The following STK38L variants were observed in gnomAD, a reference collection of about 807,000 sequenced individuals.
STK38L encodes serine/threonine kinase 38 like, also known as serine/threonine-protein kinase 38-like.
Under a neutral mutation model 59.7 loss-of-function variants are expected in STK38L, and 28 were observed. That is an observed-to-expected ratio of 0.47 (90% CI 0.35 to 0.64). The LOEUF is 0.64. STK38L is among the 30% of genes least tolerant of loss of function. The probability of loss-of-function intolerance (pLI) is 0.01; values close to 1 mark genes in which losing one functional copy is unlikely to be tolerated. For synonymous variants in STK38L, 162 were observed against 176.8 expected, an observed-to-expected ratio of 0.92 and a Z score of 0.66; for missense variants, 314 against 555.8, an observed-to-expected ratio of 0.56 and a Z score of 4.37.
At chr12:27,300,132 T>C (rs2136639956) in intron 2 of STK38L, among the ~76,000 whole-genome samples, 1 of 152,204 alleles carries the variant, frequency 6.6e-6, no homozygotes, top group South Asian at 2.1e-4. Flanking sequence ...AAATTATCTG[T>C]GTTATTGAAA....
At chr12:27,262,032 C>G (rs1376400605) in intron 1 of STK38L, among the ~76,000 whole-genome samples, 2 of 152,162 alleles carry the variant, frequency 1.3e-5, no homozygotes, top group African/African-American at 4.8e-5. Context: ...GGTAAACATT[C>G]TTTTCTTAGT....
intron 1 of STK38L, among the ~76,000 whole-genome samples, chr12:27,297,474 T>G (rs1370946055): frequency 6.6e-6 from 1 of 152,232 alleles, no homozygotes; most frequent in Non-Finnish European, 1.5e-5. Context: ...TGCCACTGGT[T>G]CTTCTTTGCT....
At chr12:27,253,123 G>T (rs1242929188) in intron 1 of STK38L, among the ~76,000 whole-genome samples, 3 of 152,094 alleles carry the variant, frequency 2.0e-5, no homozygotes, top group Non-Finnish European at 4.4e-5. Flanking sequence ...CCACGCAGAG[G>T]GATTAGCATA....
intron 1 of STK38L, among the ~76,000 whole-genome samples, chr12:27,293,076 C>T (rs771790872): frequency 4.6e-4 from 70 of 152,304 alleles, no homozygotes; most frequent in Middle Eastern, 3.4e-3. Flanking sequence ...CTCAGCCTCC[C>T]AAGTAGCTGG....
chr12:27,305,049 A>AG (rs1944275176), intron 3 of STK38L, among the ~76,000 whole-genome samples: 1 of 152,200 alleles, frequency 6.6e-6, no homozygotes, highest in Non-Finnish European at 1.5e-5. Context: ...CATGCCTCCT[A>AG]GGGACTCGCA....
chr12:27,281,235 G>A lies in STK38L; in HGVS notation c.-11-16475G>A, dbSNP rs1476282544. Among the ~76,000 whole-genome samples the A allele has an allele frequency of 6.7e-5, 2 of 29,686 alleles. 1 individual carries two copies. The highest frequency in any genetic ancestry group is 2.4e-4 in the African/African-American group (2 of 8,420). 19.5% of individuals were successfully genotyped at this position (29,686 alleles called of 152,430 possible). ...CAAGTAGCTGGGACTACAGGCGCGC[G>A]CCACTACGCCCGGCTAATTTTTTGT... On this transcript the variant is annotated intron_variant, in intron 1 of 13. Transcript: ENST00000389032.
chr12:27,252,566 G>T (rs546562015), intron 1 of STK38L, among the ~76,000 whole-genome samples: 33 of 152,340 alleles, frequency 2.2e-4, no homozygotes, highest in African/African-American at 5.8e-4. Context: ...GCAGAGGCTG[G>T]TTGCTCAGTT....
At chr12:27,317,183 C>T (rs1944607196) in intron 9 of STK38L, among the ~76,000 whole-genome samples, 153 bp from the exon 10 acceptor site, 1 of 152,208 alleles carries the variant, frequency 6.6e-6, no homozygotes, top group Non-Finnish European at 1.5e-5. Flanking sequence ...GACTCACTAC[C>T]TACCACTAAG....
rs1565562913 is a variant in STK38L, at chr12:27,325,269, T to G, written c.*2814T>G. ...TGAATGGAAAATAAGTGTGGAGTAT[T>G]AAAAATGTTCTTTGGTTGGTAAGGC... On this transcript the variant is annotated 3_prime_UTR_variant, in exon 14 of 14. Coordinates refer to ENST00000389032, the MANE Select transcript of STK38L (RefSeq NM_015000.4). 6.6e-6 allele frequency: 1 copy of G among 152,202 alleles called. No homozygotes were observed. The highest frequency in any genetic ancestry group is 1.9e-4 in the East Asian group (1 of 5,206). 9.4% of individuals were successfully genotyped at this position (152,202 alleles called of 1,614,324 possible).
chr12:27,324,879 A>G lies in STK38L; in HGVS notation c.*2424A>G, dbSNP rs1246864284. 1 of 152,142 alleles carries G rather than the reference A, an allele frequency of 6.6e-6. No homozygotes were observed. Among genetic ancestry groups the G allele is most frequent in the Non-Finnish European group, 1.5e-5 (1 of 67,970 alleles). 9.4% of individuals were successfully genotyped at this position (152,142 alleles called of 1,614,324 possible). ...TATATATTTCCCATATTTCAGGTGA[A>G]TAATTTAATTTAAATGACAAAACCC... On this transcript the variant is annotated 3_prime_UTR_variant, in exon 14 of 14. Coordinates refer to ENST00000389032, the MANE Select transcript of STK38L (RefSeq NM_015000.4).
chr12:27,286,753 C>G lies in STK38L; in HGVS notation c.-11-10957C>G, dbSNP rs138791763. Among the ~76,000 whole-genome samples the G allele has an allele frequency of 2.6e-5, 4 of 152,146 alleles. 1 individual carries two copies. Among genetic ancestry groups the G allele is most frequent in the Admixed American group, 6.5e-5 (1 of 15,276 alleles). Reference sequence around the variant, plus strand: ...GTTCTTGGTATAAATTACCGTATTCCCTGTTAGAAAGGGTCACATCTGTGC... The same window carrying G: ...GTTCTTGGTATAAATTACCGTATTCGCTGTTAGAAAGGGTCACATCTGTGC... On this transcript the variant is annotated intron_variant, in intron 1 of 13. Coordinates refer to ENST00000389032, the MANE Select transcript of STK38L (RefSeq NM_015000.4).
In STK38L at chr12:27,324,941, A is replaced by C. The variant is rs1002446540; in HGVS notation, c.*2486A>C. 6.6e-6 allele frequency: 1 copy of C among 152,150 alleles called. No individual in the cohort carries two copies. Among genetic ancestry groups the C allele is most frequent in the Non-Finnish European group, 1.5e-5 (1 of 67,972 alleles). The allele number at this position is 152,150 out of a possible 1,614,324, so 9.4% of individuals were successfully genotyped here. A position where few individuals can be genotyped will look rare whatever the true frequency, so the allele number is the denominator to read the frequency against. ...CTGGGCATAATGACATTTTCTTTAA[A>C]TTAGACTCTATTTTGAATTAAAAGA... On this transcript the variant is annotated 3_prime_UTR_variant, in exon 14 of 14. Coordinates refer to ENST00000389032, the MANE Select transcript of STK38L (RefSeq NM_015000.4).
intron 1 of STK38L, among the ~76,000 whole-genome samples, chr12:27,279,583 G>A (rs1943608723): frequency 2.0e-5 from 3 of 151,742 alleles, no homozygotes; most frequent in East Asian, 1.9e-4. Context: ...AAAATTAGCC[G>A]GGCGTGGTGG....
At chr12:27,297,111 T>C (rs1944043999) in intron 1 of STK38L, 1 of 152,498 alleles carries the variant, frequency 6.6e-6, no homozygotes, top group Non-Finnish European at 1.5e-5. Flanking sequence ...CGTTTTGGAA[T>C]GACCCAGAAT....
intron 8 of STK38L, 38 bp downstream of exon 8, chr12:27,315,155 A>T: frequency 6.3e-7 from 1 of 1,591,072 alleles, no homozygotes; most frequent in Non-Finnish European, 8.6e-7. Context: ...TCCCCTGGTT[A>T]AGATACTGTA....
chr12:27,260,666 A>G (rs956378752), intron 1 of STK38L, among the ~76,000 whole-genome samples: 1 of 152,128 alleles, frequency 6.6e-6, no homozygotes, highest in African/African-American at 2.4e-5. Flanking sequence ...TTTCTAAATC[A>G]TTCTTTTTCA....
At chr12:27,262,102 G>A (rs775182163) in intron 1 of STK38L, among the ~76,000 whole-genome samples, 6 of 152,124 alleles carry the variant, frequency 3.9e-5, no homozygotes, top group Admixed American at 6.6e-5. Context: ...GTATGCTGTG[G>A]TATGAATCAG....
At chr12:27,277,791 T>A (rs543383385) in intron 1 of STK38L, among the ~76,000 whole-genome samples, 62 of 151,770 alleles carry the variant, frequency 4.1e-4, no homozygotes, top group African/African-American at 1.4e-3. Flanking sequence ...AAGTAAAATT[T>A]AAAAAAAAGA....
In STK38L at chr12:27,312,722, T is replaced by C. The variant is rs377425691; in HGVS notation, c.517+50T>C. On this transcript the variant is annotated intron_variant, in intron 6 of 13. Transcript: ENST00000389032. ...ACAGACTGATACAAGCACATCTTTA[T>C]ATGCAACAATAATTTTATTGGTGAG... The C allele has an allele frequency of 2.5e-4, 403 of 1,588,610 alleles. 2 individuals carry two copies. The South Asian group carries it at 4.0e-3, about 16-fold the overall frequency.
Sources: gnomAD v4.1 joint callset for allele counts (sites outside exome capture counted in the v4.1 genomes callset) on GRCh38, gnomAD v4.1.1 for gene constraint, MANE v1.5 for transcripts, NCBI Gene and HGNC (gene_info 2026-07-23, HGNC 2026-07-21) for gene names.